Variants in CNTNAP3B observed in about 807,000 individuals in gnomAD.
The protein encoded by CNTNAP3B is contactin-associated protein-like 3B.
In CNTNAP3B, 25 loss-of-function variants were observed where a neutral mutation model predicts 108.9. The ratio of observed to expected loss-of-function variants is 0.23; its 90% confidence interval spans 0.17 to 0.32. CNTNAP3B has a LOEUF of 0.32. Among genes scored for constraint, CNTNAP3B ranks in the 10% least tolerant of loss-of-function variants. The pLI is 1.00. For synonymous variants in CNTNAP3B, 103 were observed against 473.4 expected (o/e 0.22, Z 10.16); for missense variants, 252 against 1,210.4 (o/e 0.21, Z 11.75).
intron 13 of CNTNAP3B, among the ~76,000 whole-genome samples, chr9:41,940,121 G>C (rs543474848): frequency 6.6e-6 from 1 of 152,294 alleles, no homozygotes; most frequent in Non-Finnish European, 1.5e-5. Flanking sequence ...TGAGCCATAG[G>C]GTCCTATCAG....
rs1344566444 is a variant in CNTNAP3B, at chr9:42,097,228, T to C, written c.196+7401A>G. ...TTTGTTTGAAAACTGACGGAAAATA[T>C]GACATCATGTTCCCATCTGGCAGGA... On this transcript the variant is annotated intron_variant, in intron 2 of 23. Coordinates refer to ENST00000377561, the MANE Select transcript of CNTNAP3B (RefSeq NM_001201380.3). Among the ~76,000 whole-genome samples, 16 of 140,244 alleles carry C rather than the reference T, an allele frequency of 1.1e-4. 2 individuals carry two copies. 92.0% of individuals were successfully genotyped at this position (140,244 alleles called of 152,430 possible).
chr9:41,924,680 C>CAT (rs1260303570), intron 15 of CNTNAP3B, among the ~76,000 whole-genome samples: 2,188 of 142,766 alleles, frequency 0.015, 19 homozygotes, highest in East Asian at 0.12. Flanking sequence ...CACACACACA[C>CAT]ACACACACAC....
intron 1 of CNTNAP3B, among the ~76,000 whole-genome samples, chr9:42,114,790 G>T (rs541368261): frequency 7.3e-5 from 10 of 137,770 alleles, no homozygotes; most frequent in Non-Finnish European, 1.4e-4. Flanking sequence ...ACCAAGGAAA[G>T]AATATTTACA....
At chr9:42,032,737 G>T (rs1172905119) in intron 3 of CNTNAP3B, among the ~76,000 whole-genome samples, 1 of 131,914 alleles carries the variant, frequency 7.6e-6, no homozygotes, top group African/African-American at 3.0e-5. Flanking sequence ...ACTGCAGACT[G>T]GGAGGTTTAA....
intron 10 of CNTNAP3B, among the ~76,000 whole-genome samples, chr9:41,967,717 T>C (rs1378118367): frequency 1.3e-5 from 2 of 152,290 alleles, no homozygotes; most frequent in Non-Finnish European, 2.9e-5. Context: ...CAAAGTTTTC[T>C]AATTTTATTG....
intron 14 of CNTNAP3B, among the ~76,000 whole-genome samples, chr9:41,933,948 A>T (rs1176896308): frequency 5.3e-5 from 8 of 151,178 alleles, no homozygotes; most frequent in Non-Finnish European, 8.8e-5. Flanking sequence ...TAAAGAAATA[A>T]TTTTTCCTTG....
intron 4 of CNTNAP3B, among the ~76,000 whole-genome samples, chr9:42,000,128 C>A: frequency 7.4e-6 from 1 of 134,996 alleles, no homozygotes. Context: ...ATATAGTAAA[C>A]TGCACTTCAA....
intron 12 of CNTNAP3B, among the ~76,000 whole-genome samples, chr9:41,956,258 T>C (rs1303323288): frequency 7.9e-5 from 12 of 151,688 alleles, no homozygotes; most frequent in African/African-American, 2.2e-4. Flanking sequence ...TGGTGGCACA[T>C]GCCTGTAGTC....
chr9:41,923,595 C>A (rs1275299425), intron 16 of CNTNAP3B, among the ~76,000 whole-genome samples: 1 of 152,292 alleles, frequency 6.6e-6, no homozygotes, highest in Non-Finnish European at 1.5e-5. Context: ...AACCCCACCT[C>A]TACCAAAAAT....
chr9:41,994,011 T>C (rs1825851503), intron 7 of CNTNAP3B: 1 of 142,014 alleles, frequency 7.0e-6, no homozygotes, highest in Non-Finnish European at 1.5e-5. Context: ...GTTCTCCTTA[T>C]TGGCTATACT....
At chr9:41,927,309 AC>A in intron 15 of CNTNAP3B, among the ~76,000 whole-genome samples, 1 of 147,024 alleles carries the variant, frequency 6.8e-6, no homozygotes, top group African/African-American at 2.5e-5. Flanking sequence ...GACCTGCCAG[AC>A]AGACCTGTAG....
rs1385327494 is a variant in CNTNAP3B, at chr9:42,051,944, G to A, written c.390+24925C>T. On this transcript the variant is annotated intron_variant, in intron 3 of 23. Transcript: ENST00000377561. ...CTCCCTTGGGAACTCTTTCAACTGC[G>A]TAATTTTTTCTCTCTCTTGTAAAAA... Among the ~76,000 whole-genome samples the A allele has an allele frequency of 8.6e-5, 13 of 151,946 alleles. No homozygotes were observed. The South Asian group carries it at 1.0e-3, about 12-fold the overall frequency.
chr9:42,109,247 A>G (rs1391768998), intron 1 of CNTNAP3B, among the ~76,000 whole-genome samples: 3 of 142,070 alleles, frequency 2.1e-5, no homozygotes, highest in Non-Finnish European at 3.1e-5. Context: ...AATAAACAGA[A>G]GAGCAAAATA....
intron 13 of CNTNAP3B, among the ~76,000 whole-genome samples, chr9:41,938,697 T>C (rs1259964984): frequency 6.6e-6 from 1 of 152,272 alleles, no homozygotes; most frequent in African/African-American, 2.4e-5. Flanking sequence ...TCAAAAAAAT[T>C]CACCATTAAA....
Position 42,030,792 on chromosome 9 carries a change from CGAGAGA to C in CNTNAP3B, c.391-17273_391-17268del, listed in dbSNP as rs752901003. On this transcript the variant is annotated intron_variant, in intron 3 of 23. Transcript: ENST00000377561. Reference sequence around the variant, plus strand: ...AGAGAGAGAGAGAGAGAGATGTGTGCGAGAGAGAGAGAGAGAGAGAGGAGAGAGAGA... The same window carrying C: ...AGAGAGAGAGAGAGAGAGATGTGTGCGAGAGAGAGAGAGAGGAGAGAGAGA... Among the ~76,000 whole-genome samples, 9 of 41,986 alleles carry C rather than the reference CGAGAGA, an allele frequency of 2.1e-4. 1 individual carries two copies. Among genetic ancestry groups the C allele is most frequent in the African/African-American group, 5.4e-4 (6 of 11,208 alleles). 27.5% of individuals were successfully genotyped at this position (41,986 alleles called of 152,430 possible).
At chr9:41,923,599 C>T (rs1393713119) in intron 16 of CNTNAP3B, among the ~76,000 whole-genome samples, 8 of 151,882 alleles carry the variant, frequency 5.3e-5, no homozygotes, top group African/African-American at 1.7e-4. Flanking sequence ...CCACCTCTAC[C>T]AAAAATACAA....
At chr9:41,942,474 G>T (rs1317113634) in intron 13 of CNTNAP3B, among the ~76,000 whole-genome samples, 1 of 151,542 alleles carries the variant, frequency 6.6e-6, no homozygotes, top group Non-Finnish European at 1.5e-5. Context: ...AGCCGGGCGT[G>T]GTGGCGGGCG....
chr9:41,935,095 A>T (rs1381925988), intron 14 of CNTNAP3B, among the ~76,000 whole-genome samples: 1 of 152,290 alleles, frequency 6.6e-6, no homozygotes, highest in African/African-American at 2.4e-5. Context: ...ATTTATACAC[A>T]TATATTGACT....
At chr9:42,076,404 T>TG (rs1827490956) in intron 3 of CNTNAP3B, among the ~76,000 whole-genome samples, 1 of 129,498 alleles carries the variant, frequency 7.7e-6, no homozygotes, top group Admixed American at 7.8e-5. Context: ...CTAGTCTGGG[T>TG]GATAACAGCG....
Sources: gnomAD v4.1 joint callset for allele counts (sites outside exome capture counted in the v4.1 genomes callset) on GRCh38, gnomAD v4.1.1 for gene constraint, MANE v1.5 for transcripts, NCBI Gene and HGNC (gene_info 2026-07-23, HGNC 2026-07-21) for gene names.